CDH13: variants seen among roughly 807,000 people sequenced by gnomAD.
CDH13 encodes cadherin 13, also known as cadherin-13.
In CDH13, 24 loss-of-function variants were observed where a neutral mutation model predicts 63.8. That is an observed-to-expected ratio of 0.38 (90% confidence interval 0.27 to 0.53). The LOEUF is 0.53. CDH13 is among the 20% of genes least tolerant of loss of function. The pLI, the probability that CDH13 is intolerant of heterozygous loss-of-function variation, is 0.85. For missense variants in CDH13, 1,049 were observed against 903.1 expected (o/e 1.16, Z -2.07); for synonymous variants, 503 against 355.3 (o/e 1.42, Z -4.67).
At chr16:83,075,456 A>G (rs2032765255) in intron 3 of CDH13, among the ~76,000 whole-genome samples, 2 of 152,164 alleles carry the variant, frequency 1.3e-5, no homozygotes, top group East Asian at 1.9e-4. Context: ...GTGAAGGACA[A>G]TGTTCTTGAC....
chr16:83,368,883 GTTATAT>G (rs1284992609), intron 6 of CDH13, among the ~76,000 whole-genome samples: 20 of 25,336 alleles, frequency 7.9e-4, no homozygotes, highest in South Asian at 2.9e-3. Context: ...AGTATTCCAT[GTTATAT>G]ATATATATAT....
rs1298843725 is a variant in CDH13 at position 82,644,420 on chromosome 16, T to A, written c.45+17283T>A. ...GTCCCTTAACCATGGAACGTACTCC[T>A]GTCTGCCCTCACTCGTGGGTTGATG... On this transcript the variant is annotated intron_variant, in intron 1 of 13. Transcript: ENST00000567109. This position sits in a 1 kb window ranked among gnomAD's most constrained non-coding sequence, Gnocchi z 5.7. Among the ~76,000 whole-genome samples, 1 of 152,156 alleles carries A rather than the reference T, an allele frequency of 6.6e-6. No homozygotes were observed. The highest frequency in any genetic ancestry group is 1.9e-4 in the East Asian group (1 of 5,186).
intron 5 of CDH13, among the ~76,000 whole-genome samples, chr16:83,294,919 C>G (rs2089554470): frequency 6.6e-6 from 1 of 151,956 alleles, no homozygotes; most frequent in African/African-American, 2.4e-5. Flanking sequence ...CCATGGATAG[C>G]CAAAGTAATC....
chr16:83,384,636 G>T (rs981765378), intron 6 of CDH13, among the ~76,000 whole-genome samples: 2 of 152,350 alleles, frequency 1.3e-5, no homozygotes, highest in African/African-American at 4.8e-5. Context: ...TTGCATGTGG[G>T]TCAGCAGCAT....
intron 1 of CDH13, among the ~76,000 whole-genome samples, chr16:82,701,126 T>G (rs1397417522): frequency 2.0e-5 from 3 of 152,072 alleles, no homozygotes; most frequent in Non-Finnish European, 4.4e-5. Flanking sequence ...ATGTCCAAAG[T>G]TAGAAACTTC....
At chr16:83,232,152 C>A (rs2040014815) in intron 5 of CDH13, among the ~76,000 whole-genome samples, 1 of 147,040 alleles carries the variant, frequency 6.8e-6, no homozygotes, top group African/African-American at 2.5e-5. Flanking sequence ...ACCCCCATGA[C>A]ACAAGTTTGC....
chr16:83,238,657 G>A (rs894368542), intron 5 of CDH13, among the ~76,000 whole-genome samples: 10 of 152,154 alleles, frequency 6.6e-5, no homozygotes, highest in Non-Finnish European at 1.3e-4. Context: ...GATTGGCAGG[G>A]GAGATCCTGG....
intron 1 of CDH13, among the ~76,000 whole-genome samples, chr16:82,698,610 G>T (rs534241082): frequency 6.6e-6 from 1 of 152,268 alleles, no homozygotes; most frequent in South Asian, 2.1e-4. Context: ...AGGCATGAGA[G>T]ACAAGCTCAA....
At chr16:83,007,717 G>A (rs1412900384) in intron 2 of CDH13, among the ~76,000 whole-genome samples, 1 of 151,858 alleles carries the variant, frequency 6.6e-6, no homozygotes, top group African/African-American at 2.4e-5. Context: ...CCAGTAACTT[G>A]GGAGGCTGAG....
chr16:82,869,634 A>G lies in CDH13; in HGVS notation c.157+11161A>G, dbSNP rs138778979. Among the ~76,000 whole-genome samples, 74 of 152,294 alleles carry G rather than the reference A, an allele frequency of 4.9e-4. 1 individual carries two copies. In the East Asian group the frequency reaches 0.014, roughly 28 times the overall value. ...CAGTGTGATACTGGCATAAAAACAG[A>G]TGCATAGACCAATGGGACAGAATAG... On this transcript the variant is annotated intron_variant, in intron 2 of 13. Transcript: ENST00000567109.
intron 2 of CDH13, among the ~76,000 whole-genome samples, chr16:82,896,191 C>T (rs948274417): frequency 2.0e-5 from 3 of 149,470 alleles, no homozygotes; most frequent in East Asian, 2.0e-4. Context: ...TCCTTGTTAA[C>T]GGGTGTATTT....
chr16:83,465,514 T>C (rs556768506), intron 6 of CDH13, among the ~76,000 whole-genome samples: 1 of 152,292 alleles, frequency 6.6e-6, no homozygotes, highest in African/African-American at 2.4e-5. Flanking sequence ...TTTATTAAGA[T>C]GGAAATTTTC....
At chr16:83,794,004 G>A (rs1197763897) in intron 13 of CDH13, among the ~76,000 whole-genome samples, 1 of 152,010 alleles carries the variant, frequency 6.6e-6, no homozygotes, top group Non-Finnish European at 1.5e-5. Flanking sequence ...AAGAGAAGAT[G>A]CTGCAGTGCT....
intron 5 of CDH13, among the ~76,000 whole-genome samples, chr16:83,271,477 A>G (rs1452842901): frequency 2.3e-5 from 2 of 87,532 alleles, no homozygotes; most frequent in Non-Finnish European, 4.6e-5. Context: ...TAGAGCCCCA[A>G]TCCTGCATAA....
intron 7 of CDH13, among the ~76,000 whole-genome samples, chr16:83,494,476 GT>G (rs2074091140): frequency 6.6e-6 from 1 of 152,140 alleles, no homozygotes; most frequent in South Asian, 2.1e-4. Flanking sequence ...AGAATATCTA[GT>G]TCAGTTCTGA....
chr16:83,497,517 G>C (rs1276254532), intron 7 of CDH13, among the ~76,000 whole-genome samples: 4 of 119,890 alleles, frequency 3.3e-5, no homozygotes, highest in Non-Finnish European at 6.8e-5. Flanking sequence ...GTTGTGGGGT[G>C]GGGGGAGGGG....
intron 3 of CDH13, among the ~76,000 whole-genome samples, chr16:83,102,925 TTTTTC>T (rs1244904157): frequency 1.3e-5 from 1 of 75,676 alleles, no homozygotes; most frequent in East Asian, 4.0e-4. Context: ...TTTTTTTTTC[TTTTTC>T]TTTTTTTTTT....
chr16:83,592,984 G>C (rs569058231), intron 7 of CDH13, among the ~76,000 whole-genome samples: 25 of 152,248 alleles, frequency 1.6e-4, no homozygotes, highest in African/African-American at 5.8e-4. Flanking sequence ...GGTTCCTGCT[G>C]GATTTATGGA....
chr16:83,509,068 G>C (rs1310936911), intron 7 of CDH13, among the ~76,000 whole-genome samples: 2 of 152,126 alleles, frequency 1.3e-5, no homozygotes, highest in South Asian at 2.1e-4. Context: ...TCCTCTATTT[G>C]AAGCCAAGTT....
Sources: gnomAD v4.1 joint callset for allele counts (sites outside exome capture counted in the v4.1 genomes callset) on GRCh38, gnomAD v4.1.1 for gene constraint, Gnocchi (gnomAD v3.1) non-coding constraint, MANE v1.5 for transcripts, NCBI Gene and HGNC (gene_info 2026-07-23, HGNC 2026-07-21) for gene names.